Variants in TTC28 observed in about 807,000 individuals in gnomAD.
The protein encoded by TTC28 is tetratricopeptide repeat domain 28, also known as tetratricopeptide repeat protein 28.
Under a neutral mutation model 198.0 loss-of-function variants are expected in TTC28, and 61 were observed. The ratio of observed to expected loss-of-function variants is 0.31; its 90% CI spans 0.25 to 0.38. The LOEUF (loss-of-function observed/expected upper bound fraction) is 0.38. TTC28 is among the 10% of genes least tolerant of loss of function. TTC28 has a pLI of 1.00. For synonymous variants in TTC28, 1,171 were observed against 1,297.8 expected, an observed-to-expected ratio of 0.90 and a Z score of 2.10; for missense variants, 2,678 against 3,164.0, an observed-to-expected ratio of 0.85 and a Z score of 3.69.
intron 2 of TTC28, among the ~76,000 whole-genome samples, chr22:28,507,940 C>T (rs1055453446): frequency 5.9e-5 from 9 of 152,192 alleles, no homozygotes; most frequent in African/African-American, 2.2e-4. Context: ...CCACTACCAG[C>T]CACTACAAAA....
chr22:28,083,818 C>T (rs1272951510), intron 12 of TTC28, among the ~76,000 whole-genome samples: 1 of 152,262 alleles, frequency 6.6e-6, no homozygotes, highest in Non-Finnish European at 1.5e-5. Flanking sequence ...CACCCTCATA[C>T]TGCGCTCTTC....
rs565162860 is a variant in TTC28, at chr22:28,349,741, T to C, written c.382-43098A>G. On this transcript the variant is annotated intron_variant, in intron 2 of 22. Transcript: ENST00000397906. ...TAAAGTGTATTAGAAACATTACATA[T>C]AAATGTAAGAAAGTATTATAATTTT... Among the ~76,000 whole-genome samples the C allele has an allele frequency of 1.6e-4, 25 of 152,334 alleles. No homozygotes were observed. The East Asian group carries it at 4.0e-3, about 25-fold the overall frequency.
chr22:28,103,580 T>A (rs574531821), intron 8 of TTC28, among the ~76,000 whole-genome samples: 1 of 152,148 alleles, frequency 6.6e-6, no homozygotes, highest in African/African-American at 2.4e-5. Flanking sequence ...CCTGCCCTCA[T>A]GAGAAGAGGC....
intron 5 of TTC28, among the ~76,000 whole-genome samples, chr22:28,215,897 A>AG (rs1243386005): frequency 6.6e-6 from 1 of 152,186 alleles, no homozygotes; most frequent in East Asian, 1.9e-4. Flanking sequence ...GAAATCAGAG[A>AG]GAAAAAAGCC....
chr22:28,247,699 C>T (rs1930208244), intron 5 of TTC28, among the ~76,000 whole-genome samples: 2 of 152,276 alleles, frequency 1.3e-5, no homozygotes, highest in South Asian at 4.1e-4. Context: ...AATGAGAATA[C>T]TTTACCTTGA....
intron 6 of TTC28, among the ~76,000 whole-genome samples, chr22:28,110,872 C>T (rs559640214): frequency 6.6e-6 from 1 of 151,116 alleles, no homozygotes; most frequent in Admixed American, 6.6e-5. Flanking sequence ...AAGTTCGAGG[C>T]TGCAGTAGGC....
At chr22:28,356,752 AC>A (rs139062334) in intron 2 of TTC28, among the ~76,000 whole-genome samples, 10,719 of 152,210 alleles carry the variant, frequency 0.07, 549 homozygotes, top group Non-Finnish European at 0.098. Context: ...GCAGCTGAGA[AC>A]CTGTTGCAAG....
intron 6 of TTC28, among the ~76,000 whole-genome samples, chr22:28,124,049 C>G (rs995056624): frequency 5.9e-5 from 9 of 152,080 alleles, no homozygotes; most frequent in Admixed American, 5.9e-4. Context: ...CTAAGGATGC[C>G]AAACTTTTAT....
At chr22:28,202,886 CTCT>C (rs934034163) in intron 5 of TTC28, among the ~76,000 whole-genome samples, 6 of 152,110 alleles carry the variant, frequency 3.9e-5, no homozygotes, top group Admixed American at 3.3e-4. Context: ...CTCAAATTTT[CTCT>C]TCTTTTTTTT....
intron 2 of TTC28, among the ~76,000 whole-genome samples, chr22:28,614,832 A>T (rs964683351): frequency 4.6e-5 from 7 of 152,236 alleles, no homozygotes; most frequent in African/African-American, 1.7e-4. Flanking sequence ...ACCTAAAACC[A>T]TAAAAACCCT....
At chr22:28,158,071 A>T (rs1943791827) in intron 6 of TTC28, among the ~76,000 whole-genome samples, 1 of 152,192 alleles carries the variant, frequency 6.6e-6, no homozygotes, top group Admixed American at 6.5e-5. Flanking sequence ...ACAAAGTTGC[A>T]GGATACAAAA....
rs561103340 is a variant in TTC28, at chr22:28,563,810, G to A, written c.381+65742C>T. The stretch of plus-strand genomic sequence containing the variant: ...TCCATGCCTAGGTATATACCCAAAA[G>A]AAGTGAAACTCAAACAAATACATGT... On this transcript the variant is annotated intron_variant, in intron 2 of 22. Transcript: ENST00000397906. Among the ~76,000 whole-genome samples, 6 of 152,200 alleles carry A rather than the reference G, an allele frequency of 3.9e-5. No homozygotes were observed. In the South Asian group the frequency reaches 8.3e-4, roughly 21 times the overall value.
chr22:27,992,606 C>G lies in TTC28; in HGVS notation c.5534G>C (p.Gly1845Ala). The change falls in exon 19 of 23, where the codon GGC (glycine) becomes GCC (alanine). Residue 1845 changes from glycine to alanine, a missense_variant. Around this residue, in one of 8 missense-constraint regions of TTC28, gnomAD observed 314 missense variants for 442.7 expected, o/e 0.71. Coordinates refer to ENST00000397906, the MANE Select transcript of TTC28 (RefSeq NM_001145418.2). ...LCKLITASET[G>A]EQLISRAVKN... Reference sequence around the variant, plus strand: ...ACTTACCCGGCTGATGAGCTGCTCGCCCGTCTCGGAGGCAGTGATGAGTTT... The same window carrying G: ...ACTTACCCGGCTGATGAGCTGCTCGGCCGTCTCGGAGGCAGTGATGAGTTT... 1.3e-6 allele frequency: 2 copies of G among 1,551,606 alleles called. No individual in the cohort carries two copies. Among genetic ancestry groups the G allele is most frequent in the Non-Finnish European group, 1.7e-6 (2 of 1,146,978 alleles).
At chr22:28,604,649 C>G (rs1301170588) in intron 2 of TTC28, among the ~76,000 whole-genome samples, 1 of 152,010 alleles carries the variant, frequency 6.6e-6, no homozygotes, top group African/African-American at 2.4e-5. Context: ...GAAGCTGAGG[C>G]AGGAGAACTG....
At chr22:28,572,197 G>A (rs995437459) in intron 2 of TTC28, among the ~76,000 whole-genome samples, 3 of 150,094 alleles carry the variant, frequency 2.0e-5, no homozygotes, top group African/African-American at 4.9e-5. Context: ...AAAAAAAATA[G>A]CCAGGCATGG....
In TTC28 at chr22:28,225,295, C is replaced by T. The variant is rs146506236; in HGVS notation, c.934-61696G>A. ...GCTTGAACCCGAAAGGCGGAGGTTG[C>T]AGTGAGCCGAGATCATGCCACTGTA... On this transcript the variant is annotated intron_variant, in intron 5 of 22. Transcript: ENST00000397906. Among the ~76,000 whole-genome samples, 1,177 of 151,002 alleles carry T rather than the reference C, an allele frequency of 7.8e-3. 22 individuals carry two copies. The highest frequency in any genetic ancestry group is 0.026 in the African/African-American group (1,084 of 41,048).
chr22:28,051,614 T>C (rs1464826090), intron 12 of TTC28, among the ~76,000 whole-genome samples: 1 of 152,194 alleles, frequency 6.6e-6, no homozygotes, highest in Non-Finnish European at 1.5e-5. Context: ...CCTGTCTTTT[T>C]CTGCCACATT....
At chr22:28,453,148 T>C (rs1464818830) in intron 2 of TTC28, among the ~76,000 whole-genome samples, 1 of 152,242 alleles carries the variant, frequency 6.6e-6, no homozygotes, top group Non-Finnish European at 1.5e-5. Context: ...GCCAGCCACC[T>C]TAATGATTCT....
intron 12 of TTC28, among the ~76,000 whole-genome samples, chr22:28,078,354 G>C (rs1941233616): frequency 6.6e-6 from 1 of 152,124 alleles, no homozygotes; most frequent in Non-Finnish European, 1.5e-5. Flanking sequence ...AACGGAGTCT[G>C]CTTACGGCAC....
Sources: gnomAD v4.1 joint callset for allele counts (sites outside exome capture counted in the v4.1 genomes callset) on GRCh38, gnomAD v4.1.1 for gene constraint, gnomAD v4.1.1 regional missense constraint, MANE v1.5 for transcripts, NCBI Gene and HGNC (gene_info 2026-07-23, HGNC 2026-07-21) for gene names.